Variants in ZFPM2 observed in about 807,000 individuals in gnomAD.
The protein encoded by ZFPM2 is zinc finger protein, FOG family member 2.
In ZFPM2, 20 loss-of-function variants were observed where a neutral mutation model predicts 98.6. That is an observed-to-expected ratio of 0.20 (90% CI 0.14 to 0.29). The LOEUF (loss-of-function observed/expected upper bound fraction) is 0.29. ZFPM2 is among the 10% of genes least tolerant of loss of function. The pLI is 1.00. For missense variants in ZFPM2, 1,310 were observed against 1,388.6 expected (o/e 0.94, Z 0.90); for synonymous variants, 518 against 502.7 (o/e 1.03, Z -0.41).
At chr8:105,479,956 A>G (rs1813083950) in intron 3 of ZFPM2, among the ~76,000 whole-genome samples, 1 of 152,122 alleles carries the variant, frequency 6.6e-6, no homozygotes, top group Admixed American at 6.5e-5. Flanking sequence ...TGTTTTTATT[A>G]CACTGCATAG....
intron 3 of ZFPM2, among the ~76,000 whole-genome samples, chr8:105,463,157 A>G (rs1222957744): frequency 2.0e-5 from 3 of 152,072 alleles, no homozygotes; most frequent in Non-Finnish European, 4.4e-5. Flanking sequence ...ATGGACTGAA[A>G]ATATAATTTT....
chr8:105,766,352 A>T (rs1286757077), intron 5 of ZFPM2, among the ~76,000 whole-genome samples: 4 of 152,040 alleles, frequency 2.6e-5, no homozygotes, highest in African/African-American at 9.6e-5. Flanking sequence ...CATAATCAAA[A>T]GTGATAGCTA....
chr8:105,505,265 C>A (rs1238805704), intron 3 of ZFPM2, among the ~76,000 whole-genome samples: 1 of 152,112 alleles, frequency 6.6e-6, no homozygotes, highest in East Asian at 1.9e-4. Flanking sequence ...AGTAGATCGT[C>A]TATAAATGGT....
chr8:105,576,520 G>A (rs545588573), intron 4 of ZFPM2, among the ~76,000 whole-genome samples: 2 of 152,204 alleles, frequency 1.3e-5, no homozygotes, highest in East Asian at 1.9e-4. Context: ...GTTTTGGTGA[G>A]TTTAACTCAG....
At chr8:105,410,062 T>A in intron 1 of ZFPM2, among the ~76,000 whole-genome samples, 1 of 151,876 alleles carries the variant, frequency 6.6e-6, no homozygotes, top group Admixed American at 6.6e-5. Flanking sequence ...AGAATCAGAA[T>A]GGGTATTCTA....
intron 1 of ZFPM2, among the ~76,000 whole-genome samples, chr8:105,401,526 T>C (rs1811340401): frequency 1.3e-5 from 2 of 152,148 alleles, no homozygotes; most frequent in African/African-American, 4.8e-5. Context: ...TGAGGCACTC[T>C]GAGACTTTAA....
chr8:105,742,379 T>TAAAAAAA (rs79123129), intron 5 of ZFPM2, among the ~76,000 whole-genome samples: 82 of 109,756 alleles, frequency 7.5e-4, no homozygotes, highest in African/African-American at 2.7e-3. Context: ...TCCTGTCTCT[T>TAAAAAAA]AAAAAAAAAA....
intron 4 of ZFPM2, among the ~76,000 whole-genome samples, chr8:105,579,511 T>TGCTC (rs979824999): frequency 1.3e-5 from 2 of 152,122 alleles, no homozygotes; most frequent in Non-Finnish European, 2.9e-5. Context: ...ACTACATGTG[T>TGCTC]GCTCTTTGAT....
At chr8:105,684,052 A>G (rs943870321) in intron 5 of ZFPM2, among the ~76,000 whole-genome samples, 4 of 152,172 alleles carry the variant, frequency 2.6e-5, no homozygotes, top group Non-Finnish European at 4.4e-5. Context: ...TGTTCACAGC[A>G]CACATCTAAA....
intron 1 of ZFPM2, among the ~76,000 whole-genome samples, chr8:105,353,567 T>C (rs1812688283): frequency 6.6e-6 from 1 of 152,222 alleles, no homozygotes; most frequent in South Asian, 2.1e-4. Context: ...CCATTAGAAC[T>C]GTGACTCTTT....
chr8:105,407,695 G>C (rs1429437351), intron 1 of ZFPM2, among the ~76,000 whole-genome samples: 1 of 151,942 alleles, frequency 6.6e-6, no homozygotes, highest in Non-Finnish European at 1.5e-5. Flanking sequence ...CTGCTGATGA[G>C]AACCTTTCTG....
At chr8:105,426,544 G>C (rs565296614) in intron 2 of ZFPM2, among the ~76,000 whole-genome samples, 1 of 152,180 alleles carries the variant, frequency 6.6e-6, no homozygotes, top group South Asian at 2.1e-4. Context: ...CCTGGATTCA[G>C]TACTTCTTCT....
chr8:105,331,245 GA>G (rs1812228751), intron 1 of ZFPM2, among the ~76,000 whole-genome samples: 1 of 150,612 alleles, frequency 6.6e-6, no homozygotes, highest in African/African-American at 2.4e-5. Context: ...CTTACAAATG[GA>G]AAAAAAGAAT....
intron 5 of ZFPM2, among the ~76,000 whole-genome samples, chr8:105,723,175 A>C (rs2130999447): frequency 6.6e-6 from 1 of 151,716 alleles, no homozygotes; most frequent in Non-Finnish European, 1.5e-5. Context: ...TTCTGTATTC[A>C]CAGTCTCTTT....
chr8:105,472,108 G>T (rs138003761), intron 3 of ZFPM2, among the ~76,000 whole-genome samples: 1 of 152,300 alleles, frequency 6.6e-6, no homozygotes, highest in African/African-American at 2.4e-5. Context: ...AGCTTTAGTT[G>T]TCTTACACTT....
At chr8:105,560,075 G>T (rs919692404) in intron 3 of ZFPM2, among the ~76,000 whole-genome samples, 10 of 150,934 alleles carry the variant, frequency 6.6e-5, no homozygotes, top group African/African-American at 1.9e-4. Context: ...ACCTGATGGC[G>T]CTTTGCCTGT....
At chr8:105,352,152 G>A (rs1319837583) in intron 1 of ZFPM2, among the ~76,000 whole-genome samples, 7 of 152,126 alleles carry the variant, frequency 4.6e-5, no homozygotes, top group Admixed American at 1.3e-4. Flanking sequence ...TGCATCTTAC[G>A]TTTGGAACTA....
intron 3 of ZFPM2, among the ~76,000 whole-genome samples, chr8:105,505,171 G>C (rs560801364): frequency 1.3e-5 from 2 of 152,100 alleles, no homozygotes; most frequent in Non-Finnish European, 2.9e-5. Flanking sequence ...GAAAGAAATT[G>C]TATCTACTCT....
chr8:105,383,097 G>A (rs1810919111), intron 1 of ZFPM2, among the ~76,000 whole-genome samples: 1 of 152,128 alleles, frequency 6.6e-6, no homozygotes, highest in African/African-American at 2.4e-5. Flanking sequence ...TATCATGCCT[G>A]GGGTTGGGCT....
Sources: gnomAD v4.1 joint callset for allele counts (sites outside exome capture counted in the v4.1 genomes callset) on GRCh38, gnomAD v4.1.1 for gene constraint, MANE v1.5 for transcripts, NCBI Gene and HGNC (gene_info 2026-07-23, HGNC 2026-07-21) for gene names.